Variants in HDAC9 observed in about 807,000 individuals in gnomAD.
HDAC9 encodes MEF-2 interacting transcription repressor (MITR) protein.
HDAC9 carries 41 observed loss-of-function variants against 139.4 expected under a neutral mutation model. The observed-to-expected ratio is 0.29, with a 90% CI of 0.23 to 0.38. HDAC9 has a LOEUF of 0.38. Ranked by LOEUF, HDAC9 falls within the 10% of genes least tolerant of loss-of-function variation. The pLI is 1.00. For missense variants in HDAC9, 1,147 were observed against 1,297.0 expected (o/e 0.88, Z 1.78); for synonymous variants, 517 against 476.2 (o/e 1.09, Z -1.12).
intron 25 of HDAC9, among the ~76,000 whole-genome samples, chr7:18,981,403 C>T (rs1269397210): frequency 6.6e-6 from 1 of 152,204 alleles, no homozygotes; most frequent in Non-Finnish European, 1.5e-5. Flanking sequence ...TTTACAGCAG[C>T]AGTAGAATAC....
intron 22 of HDAC9, among the ~76,000 whole-genome samples, chr7:18,928,991 TTAAAA>T (rs1804485535): frequency 6.6e-6 from 1 of 152,036 alleles, no homozygotes; most frequent in African/African-American, 2.4e-5. Context: ...TTAATGAAAA[TTAAAA>T]TAAAGCTAGT....
chr7:18,337,230 T>C (rs1347307437), intron 1 of HDAC9, among the ~76,000 whole-genome samples: 2 of 151,672 alleles, frequency 1.3e-5, no homozygotes, highest in Non-Finnish European at 3.0e-5. Flanking sequence ...ATTTTATTTA[T>C]AGCAGAGGAA....
At chr7:18,726,716 TAATA>T (rs1245029247) in intron 12 of HDAC9, among the ~76,000 whole-genome samples, 1 of 150,504 alleles carries the variant, frequency 6.6e-6, no homozygotes, top group East Asian at 1.9e-4. Flanking sequence ...AATTCTTTAT[TAATA>T]AATAAAATTT....
Position 18,379,141 on chromosome 7 carries a change from A to G in HDAC9, c.-42+88626A>G, listed in dbSNP as rs75198810. On this transcript the variant is annotated intron_variant, in intron 1 of 3. Coordinates refer to the HDAC9 transcript ENST00000413509. ...AAATACTTTTGAAAATCTACCGCTC[A>G]AAAATCTGATTCTGTGAATAATAGA... 6.8e-3 allele frequency among the ~76,000 whole-genome samples: 1,040 copies of G among 152,342 alleles called. 14 individuals are homozygous for G. Among genetic ancestry groups the G allele is most frequent in the African/African-American group, 0.024 (1,008 of 41,578 alleles).
intron 25 of HDAC9, among the ~76,000 whole-genome samples, chr7:18,976,345 T>C (rs1176820836): frequency 6.6e-6 from 1 of 152,170 alleles, no homozygotes; most frequent in East Asian, 1.9e-4. Flanking sequence ...ATTGCTGATA[T>C]AACAAAGAGA....
intron 2 of HDAC9, among the ~76,000 whole-genome samples, chr7:18,200,108 G>A (rs1791011380): frequency 6.6e-6 from 1 of 152,158 alleles, no homozygotes; most frequent in Non-Finnish European, 1.5e-5. Context: ...CAAATGTAAT[G>A]CAATTGAACA....
chr7:18,636,760 G>A (rs1356387653), intron 8 of HDAC9, among the ~76,000 whole-genome samples: 1 of 152,064 alleles, frequency 6.6e-6, no homozygotes, highest in Non-Finnish European at 1.5e-5. Flanking sequence ...CATAAGTGGA[G>A]TTATTGGGTT....
At chr7:18,657,298 T>C (rs1025980751) in intron 11 of HDAC9, among the ~76,000 whole-genome samples, 1 of 152,102 alleles carries the variant, frequency 6.6e-6, no homozygotes, top group African/African-American at 2.4e-5. Flanking sequence ...GCTTTCCAGT[T>C]TACCAAAGTA....
chr7:18,597,240 A>G lies in HDAC9; in HGVS notation c.664+3211A>G, dbSNP rs115072855. On this transcript the variant is annotated intron_variant, in intron 6 of 25. Coordinates refer to ENST00000686413, the MANE Select transcript of HDAC9 (RefSeq NM_178425.4). ...TGGAGTGACTTCTCCTCCTTTCACA[A>G]CAACATCAAAGGCTTTACATAACTT... 9.2e-3 allele frequency among the ~76,000 whole-genome samples: 1,401 copies of G among 152,286 alleles called. 20 individuals are homozygous for G. Among genetic ancestry groups the G allele is most frequent in the African/African-American group, 0.032 (1,324 of 41,566 alleles).
chr7:18,851,650 A>G (rs1250777566), intron 21 of HDAC9, among the ~76,000 whole-genome samples: 3 of 152,136 alleles, frequency 2.0e-5, no homozygotes, highest in Non-Finnish European at 4.4e-5. Context: ...TTAATTTTCA[A>G]AGAGTGGACT....
At chr7:18,288,396 A>T (rs972334782), upstream of HDAC9, among the ~76,000 whole-genome samples, 2 of 152,090 alleles carry the variant, frequency 1.3e-5, no homozygotes, top group African/African-American at 4.8e-5. Context: ...AGCCTGCTTT[A>T]TTGTTTCTTA....
At chr7:18,859,472 A>G (rs1006415369) in intron 21 of HDAC9, among the ~76,000 whole-genome samples, 2 of 151,700 alleles carry the variant, frequency 1.3e-5, no homozygotes, top group Non-Finnish European at 2.9e-5. Flanking sequence ...CTTTCTGGCT[A>G]TGCCTCAGGG....
At chr7:18,651,848 C>T (rs1378539458) in intron 11 of HDAC9, among the ~76,000 whole-genome samples, 1 of 151,948 alleles carries the variant, frequency 6.6e-6, no homozygotes, top group African/African-American at 2.4e-5. Flanking sequence ...GCAGAAATAT[C>T]CCTGGAATGG....
intron 1 of HDAC9, among the ~76,000 whole-genome samples, chr7:18,344,355 G>A (rs1411188677): frequency 6.6e-6 from 1 of 151,740 alleles, no homozygotes; most frequent in Non-Finnish European, 1.5e-5. Flanking sequence ...AAGCTTATAA[G>A]GTATTATTAT....
chr7:18,868,948 A>T (rs1320274575), intron 21 of HDAC9, among the ~76,000 whole-genome samples: 2 of 152,126 alleles, frequency 1.3e-5, no homozygotes, highest in East Asian at 3.9e-4. Context: ...CAGGGAGGGC[A>T]TGGAGACTCC....
At chr7:18,181,644 A>G (rs548130883) in intron 2 of HDAC9, among the ~76,000 whole-genome samples, 113 of 152,300 alleles carry the variant, frequency 7.4e-4, no homozygotes, top group Non-Finnish European at 1.4e-3. Flanking sequence ...ACAATTATAC[A>G]ATTTTTGTCA....
intron 1 of HDAC9, among the ~76,000 whole-genome samples, chr7:18,370,569 TATA>T (rs1459737447): frequency 1.3e-5 from 2 of 152,194 alleles, no homozygotes; most frequent in Non-Finnish European, 2.9e-5. Context: ...CACTGCTTTT[TATA>T]ATATTAGTCT....
chr7:18,199,191 C>T (rs945946437), intron 2 of HDAC9, among the ~76,000 whole-genome samples: 2 of 152,158 alleles, frequency 1.3e-5, no homozygotes, highest in Non-Finnish European at 2.9e-5. Context: ...AAGAATCACA[C>T]ATAGACTTTT....
chr7:18,308,237 T>A (rs370753073), intron 1 of HDAC9, among the ~76,000 whole-genome samples: 1 of 152,352 alleles, frequency 6.6e-6, no homozygotes, highest in East Asian at 1.9e-4. Flanking sequence ...ACTAGGTTAA[T>A]TAAAATGTGA....
Sources: gnomAD v4.1 joint callset for allele counts (sites outside exome capture counted in the v4.1 genomes callset) on GRCh38, gnomAD v4.1.1 for gene constraint, MANE v1.5 for transcripts, NCBI Gene and HGNC (gene_info 2026-07-23, HGNC 2026-07-21) for gene names.